RBM12B: variants seen among roughly 807,000 people sequenced by gnomAD.
The protein encoded by RBM12B is RNA binding motif protein 12B, also known as RNA-binding protein 12B.
In RBM12B, 10 loss-of-function variants were observed where a neutral mutation model predicts 34.3. The observed-to-expected ratio is 0.29, with a 90% CI of 0.18 to 0.49. The LOEUF is 0.49. Ranked by LOEUF, RBM12B falls within the 20% of genes least tolerant of loss-of-function variation. RBM12B has a pLI of 0.99. For synonymous variants in RBM12B, 477 were observed against 437.1 expected (o/e 1.09, Z -1.14); for missense variants, 1,139 against 1,262.7 (o/e 0.90, Z 1.48).
chr8:93,734,260 C>CTGCCTGAAGTCCTCCTCAGGGGAA lies in RBM12B; in HGVS notation c.2127_2150dup (p.His709_Arg716dup). On this transcript the variant is annotated inframe_insertion, in exon 4 of 4. Coordinates refer to ENST00000520560, the MANE Select transcript of RBM12B (RefSeq NM_001377960.1). Reference sequence around the variant, plus strand: ...GCCTCCGGAAATGCTCCTGGGGTGACTGCCTGAAGTCCTCCTCAGGGGAAT... The same window carrying CTGCCTGAAGTCCTCCTCAGGGGAA: ...GCCTCCGGAAATGCTCCTGGGGTGACTGCCTGAAGTCCTCCTCAGGGGAATGCCTGAAGTCCTCCTCAGGGGAAT... 6.2e-7 allele frequency: 1 copy of CTGCCTGAAGTCCTCCTCAGGGGAA among 1,613,112 alleles called. No individual in the cohort carries two copies.
In RBM12B at chr8:93,730,595, G is replaced by C. The variant is rs1049847422; in HGVS notation, c.*2810C>G. On this transcript the variant is annotated 3_prime_UTR_variant, in exon 4 of 4. Coordinates refer to ENST00000520560, the MANE Select transcript of RBM12B (RefSeq NM_001377960.1). ...TTTTTTTATATTTGAAATTGATGAG[G>C]TGCTGGGAAGCTGGCTTTCTGAGGG... 6.6e-6 allele frequency: 1 copy of C among 152,064 alleles called. No homozygotes were observed. Among genetic ancestry groups the C allele is most frequent in the African/African-American group, 2.4e-5 (1 of 41,392 alleles). The allele number at this position is 152,064 out of a possible 1,614,324, so 9.4% of individuals were successfully genotyped here. A position where few individuals can be genotyped will look rare whatever the true frequency, so the allele number is the denominator to read the frequency against.
Position 93,733,220 on chromosome 8 carries a change from AG to A in RBM12B, c.*184del. ...GTAATTTTAAATTTGAAAAAAAAAA[AG>A]AATGGCAATTTGCAAGCAAAAGAAA... On this transcript the variant is annotated 3_prime_UTR_variant, in exon 4 of 4. Coordinates refer to ENST00000520560, the MANE Select transcript of RBM12B (RefSeq NM_001377960.1). 4.8e-6 allele frequency: 2 copies of A among 414,984 alleles called. No homozygotes were observed. Among genetic ancestry groups the A allele is most frequent in the Non-Finnish European group, 4.1e-6 (1 of 245,504 alleles). The allele number at this position is 414,984 out of a possible 1,614,324, so 25.7% of individuals were successfully genotyped here.
intron 1 of RBM12B, 27 bp downstream of exon 1, chr8:93,740,854 G>A (rs1004172737): frequency 1.5e-4 from 51 of 329,860 alleles, no homozygotes; most frequent in African/African-American, 1.0e-3. Flanking sequence ...GAGGGGAACT[G>A]CTTCGCACTT....
At position 93,729,153 on chromosome 8, in the gene RBM12B, G is replaced by C. The variant is rs1332192505; in HGVS notation, c.*4252C>G. 6.6e-6 allele frequency: 1 copy of C among 151,908 alleles called. No homozygotes were observed. The highest frequency in any genetic ancestry group is 2.1e-4 in the South Asian group (1 of 4,822). 9.4% of individuals were successfully genotyped at this position (151,908 alleles called of 1,614,324 possible). The stretch of plus-strand genomic sequence containing the variant: ...AATACTTTTATTTCATGGATCCCAG[G>C]CAGGCATATAAAAGTTACGGAATTT... On this transcript the variant is annotated 3_prime_UTR_variant, in exon 4 of 4. Coordinates refer to ENST00000520560, the MANE Select transcript of RBM12B (RefSeq NM_001377960.1).
In RBM12B at chr8:93,730,726, T is replaced by G. The variant is rs1563656505; in HGVS notation, c.*2679A>C. 6.6e-6 allele frequency: 1 copy of G among 151,982 alleles called. No homozygotes were observed. The allele number at this position is 151,982 out of a possible 1,614,324, so 9.4% of individuals were successfully genotyped here. A position where few individuals can be genotyped will look rare whatever the true frequency, so the allele number is the denominator to read the frequency against. ...TATTGACATATCACTAAAGGCAGAG[T>G]TGGAGAGAGATGTGCAAAGATGGCT... On this transcript the variant is annotated 3_prime_UTR_variant, in exon 4 of 4. Transcript: ENST00000520560.
Position 93,734,796 on chromosome 8 carries a change from T to C in RBM12B, c.1615A>G (p.Asn539Asp). 2 of 1,614,162 alleles carry C rather than the reference T, an allele frequency of 1.2e-6. No individual in the cohort carries two copies. Among genetic ancestry groups the C allele is most frequent in the Non-Finnish European group, 8.5e-7 (1 of 1,180,004 alleles). ...HQLEDLRQLD[N>D]FKHPQRDFRQ... ...AAATCCCTCTGGGGATGCTTGAAGTTATCCAGTTGCCTCAAGTCCTCTAGC... is the reference window on the plus strand; with the variant it reads ...AAATCCCTCTGGGGATGCTTGAAGTCATCCAGTTGCCTCAAGTCCTCTAGC... Residue 539 changes from asparagine (N) to aspartate (D), a missense_variant, in exon 4 of 4, where the codon AAC becomes GAC. Physicochemically the swap from Asn to Asp is conservative, Grantham distance 23. Transcript: ENST00000520560.
rs1397138737 is a variant in RBM12B at position 93,732,229 on chromosome 8, G to A, written c.*1176C>T. ...TAACCCTGTACTCACAGGGAATACC[G>A]AGATTATGCATGTAAAGTGCTTACA... On this transcript the variant is annotated 3_prime_UTR_variant, in exon 4 of 4. Coordinates refer to ENST00000520560, the MANE Select transcript of RBM12B (RefSeq NM_001377960.1). 2 of 152,164 alleles carry A rather than the reference G, an allele frequency of 1.3e-5. No individual in the cohort carries two copies. Among genetic ancestry groups the A allele is most frequent in the Non-Finnish European group, 2.9e-5 (2 of 68,028 alleles). The allele number at this position is 152,164 out of a possible 1,614,324, so 9.4% of individuals were successfully genotyped here. A position where few individuals can be genotyped will look rare whatever the true frequency, so the allele number is the denominator to read the frequency against.
rs1190537830 is a variant in RBM12B, at chr8:93,733,314, T to C, written c.*91A>G. On this transcript the variant is annotated 3_prime_UTR_variant, in exon 4 of 4. Transcript: ENST00000520560. ...GTCAAAAATAAAATATTTCATTAGA[T>C]AATTTAAAAAAAAAACACTTTTTTA... 2.0e-6 allele frequency: 2 copies of C among 988,698 alleles called. No individual in the cohort carries two copies. The highest frequency in any genetic ancestry group is 3.3e-5 in the African/African-American group (2 of 60,216). 61.2% of individuals were successfully genotyped at this position (988,698 alleles called of 1,614,324 possible).
chr8:93,735,537 A>G lies in RBM12B; in HGVS notation c.874T>C (p.Ser292Pro). 6.2e-7 allele frequency: 1 copy of G among 1,614,124 alleles called. No individual in the cohort carries two copies. The highest frequency in any genetic ancestry group is 8.5e-7 in the Non-Finnish European group (1 of 1,179,994). ...AAATCTCTTTCGTCAATACTGAGGG[A>G]CAGATTTTTTAAGTGAACATAAAAT... ...LGFYVHLKNL[S>P]LSIDERDLRN... Residue 292 changes from serine to proline, a missense_variant, in exon 4 of 4, where the codon TCC (serine) becomes CCC (proline). Physicochemically the swap from Ser to Pro is moderately conservative, Grantham distance 74. Transcript: ENST00000520560.
intron 2 of RBM12B, among the ~76,000 whole-genome samples, chr8:93,737,722 T>G (rs1812062651): frequency 6.6e-6 from 1 of 151,848 alleles, no homozygotes; most frequent in African/African-American, 2.4e-5. Context: ...AATTCTATCC[T>G]TAGGGTCTAT....
In RBM12B at chr8:93,734,217, G is replaced by A. The variant is rs772380709; in HGVS notation, c.2194C>T (p.Arg732Cys). 35 of 1,594,380 alleles carry A rather than the reference G, an allele frequency of 2.2e-5. No individual in the cohort carries two copies. The highest frequency in any genetic ancestry group is 2.7e-5 in the African/African-American group (2 of 73,588). ...CGGAAATGCTCTGGGGGTGGCCGAC[G>A]GAAATGCTCCTGAGGTGGCCTCCGG... ...HFRRPPQEHF[R>C]RPPPEHFRRP... Residue 732 changes from arginine (R) to cysteine (C), a missense_variant, in exon 4 of 4, where the codon CGT becomes TGT. This residue lies in a region of RBM12B where 863 missense variants were observed against 869.5 expected (regional missense o/e 0.99). Transcript: ENST00000520560.
chr8:93,735,232 T>A lies in RBM12B; in HGVS notation c.1179A>T (p.Glu393Asp), dbSNP rs750388533. 1 of 1,614,100 alleles carries A rather than the reference T, an allele frequency of 6.2e-7. No individual in the cohort carries two copies. The highest frequency in any genetic ancestry group is 8.5e-7 in the Non-Finnish European group (1 of 1,180,040). ...PGHVSQKYSQ[E>D]GNSGQKLCIY... Reference sequence around the variant, plus strand: ...TGCACAGTTTCTGGCCAGAGTTACCTTCTTGAGAGTATTTTTGTGAAACAT... The same window carrying A: ...TGCACAGTTTCTGGCCAGAGTTACCATCTTGAGAGTATTTTTGTGAAACAT... The change falls in exon 4 of 4, where the codon GAA becomes GAT. Residue 393 changes from glutamate to aspartate, a missense_variant. Around this residue, in one of 3 missense-constraint regions of RBM12B, gnomAD observed 863 missense variants for 869.5 expected, o/e 0.99. Coordinates refer to ENST00000520560, the MANE Select transcript of RBM12B (RefSeq NM_001377960.1).
At chr8:93,740,277 C>T (rs924523895) in intron 2 of RBM12B, 5 of 456,668 alleles carry the variant, frequency 1.1e-5, no homozygotes, top group African/African-American at 1.0e-4. Context: ...CTCCCAACAT[C>T]CTCAAACGGG....
Position 93,735,653 on chromosome 8 carries a change from T to A in RBM12B, c.758A>T (p.His253Leu). 1.9e-6 allele frequency: 3 copies of A among 1,614,120 alleles called. No individual in the cohort carries two copies. The highest frequency in any genetic ancestry group is 1.3e-5 in the African/African-American group (1 of 75,058). The change falls in exon 4 of 4, where the codon CAT becomes CTT. Residue 253 changes from histidine (H) to leucine (L), a missense_variant. Transcript: ENST00000520560. ...EGDVLRRSEE[H>L]SPPRGINDRH... ...ATCATTAATTCCTCTTGGTGGAGAATGTTCTTCAGATCTCCTAAGAACGTC... is the reference window on the plus strand; with the variant it reads ...ATCATTAATTCCTCTTGGTGGAGAAAGTTCTTCAGATCTCCTAAGAACGTC...
intron 2 of RBM12B, among the ~76,000 whole-genome samples, chr8:93,739,797 A>C (rs1386237479): frequency 2.0e-5 from 3 of 152,264 alleles, no homozygotes; most frequent in African/African-American, 7.2e-5. Context: ...CACTTAAGTC[A>C]GTGAAATTTA....
Position 93,732,593 on chromosome 8 carries a change from G to C in RBM12B, c.*812C>G, listed in dbSNP as rs1811830685. The C allele has an allele frequency of 6.6e-6, 1 of 152,102 alleles. No homozygotes were observed. Among genetic ancestry groups the C allele is most frequent in the Non-Finnish European group, 1.5e-5 (1 of 68,016 alleles). 9.4% of individuals were successfully genotyped at this position (152,102 alleles called of 1,614,324 possible). ...TATTTTACTATCTTTTGCGTATCTT[G>C]TATTAATTTTACTTGGTTGATAAGA... On this transcript the variant is annotated 3_prime_UTR_variant, in exon 4 of 4. Coordinates refer to ENST00000520560, the MANE Select transcript of RBM12B (RefSeq NM_001377960.1).
Position 93,735,673 on chromosome 8 carries a change from A to C in RBM12B, c.738T>G (p.Val246=), listed in dbSNP as rs1811997857. 6.2e-7 allele frequency: 1 copy of C among 1,614,092 alleles called. No homozygotes were observed. The highest frequency in any genetic ancestry group is 8.5e-7 in the Non-Finnish European group (1 of 1,180,000). Residue 246 remains valine, a synonymous_variant, in exon 4 of 4, where the codon GTT becomes GTG. Transcript: ENST00000520560. ...GAGAATGTTCTTCAGATCTCCTAAGAACGTCACCCTCCTTAACTGCATTAC... is the reference window on the plus strand; with the variant it reads ...GAGAATGTTCTTCAGATCTCCTAAGCACGTCACCCTCCTTAACTGCATTAC... ...FGGNAVKEGD[V]LRRSEEHSPP...
Position 93,735,430 on chromosome 8 carries a change from G to T in RBM12B, c.981C>A (p.Ala327=). The stretch of plus-strand genomic sequence containing the variant: ...CTTTCAGAGTCTTGAACATCACAAA[G>T]GCATATCTTGTTCTATTTTCATCTT... ...LYKDENRTRY[A]FVMFKTLKDY... Residue 327 remains alanine, a synonymous_variant, in exon 4 of 4, where the codon GCC becomes GCA. Transcript: ENST00000520560. 1 of 1,613,198 alleles carries T rather than the reference G, an allele frequency of 6.2e-7. No individual in the cohort carries two copies. Among genetic ancestry groups the T allele is most frequent in the South Asian group, 1.1e-5 (1 of 91,058 alleles).
Position 93,735,241 on chromosome 8 carries a change from G to A in RBM12B, c.1170C>T (p.Tyr390=). 6.2e-7 allele frequency: 1 copy of A among 1,613,990 alleles called. No homozygotes were observed. The highest frequency in any genetic ancestry group is 8.5e-7 in the Non-Finnish European group (1 of 1,180,016). Residue 390 remains tyrosine (Y), a synonymous_variant, in exon 4 of 4, where the codon TAC becomes TAT. Coordinates refer to ENST00000520560, the MANE Select transcript of RBM12B (RefSeq NM_001377960.1). ...RDRPGHVSQK[Y]SQEGNSGQKL... ...TCTGGCCAGAGTTACCTTCTTGAGA[G>A]TATTTTTGTGAAACATGTCCGGGCC...
Sources: gnomAD v4.1 joint callset for allele counts (sites outside exome capture counted in the v4.1 genomes callset) on GRCh38, gnomAD v4.1.1 for gene constraint, gnomAD v4.1.1 regional missense constraint, MANE v1.5 for transcripts, NCBI Gene and HGNC (gene_info 2026-07-23, HGNC 2026-07-21) for gene names.